Variants in CR1L observed in about 807,000 individuals in gnomAD.
The protein encoded by CR1L is complement component receptor 1-like protein.
CR1L carries 59 observed loss-of-function variants against 62.3 expected under a neutral mutation model. That is an observed-to-expected ratio of 0.95 (90% CI 0.77 to 1.18). CR1L has a LOEUF of 1.18. Among genes scored for constraint, CR1L ranks in the 50% most tolerant of loss-of-function variants. The probability of loss-of-function intolerance (pLI) is 0.00; values close to 1 mark genes in which losing one functional copy is unlikely to be tolerated. For synonymous variants in CR1L, 279 were observed against 248.7 expected, an observed-to-expected ratio of 1.12 and a Z score of -1.15; for missense variants, 700 against 702.8, an observed-to-expected ratio of 1.00 and a Z score of 0.04.
At chr1:207,683,742 T>C in intron 3 of CR1L, 130 bp from the exon 4 acceptor site, 1 of 795,834 alleles carries the variant, frequency 1.3e-6, no homozygotes, top group Non-Finnish European at 1.9e-6. Context: ...GGGAAGGTGA[T>C]AGACAATTCT....
intron 4 of CR1L, among the ~76,000 whole-genome samples, chr1:207,685,277 G>A (rs1051071293): frequency 7.2e-5 from 11 of 152,168 alleles, no homozygotes; most frequent in African/African-American, 1.2e-4. Context: ...TTTTGACTGC[G>A]TAGCATGGTG....
intron 11 of CR1L, among the ~76,000 whole-genome samples, chr1:207,721,071 A>G (rs11118475): frequency 0.49 from 74,788 of 152,046 alleles, 19,051 homozygotes; most frequent in East Asian, 0.87. Flanking sequence ...AGGGAAATGC[A>G]GAAACTATCT....
At chr1:207,691,295 A>G (rs954349158) in intron 4 of CR1L, among the ~76,000 whole-genome samples, 1 of 152,042 alleles carries the variant, frequency 6.6e-6, no homozygotes, top group African/African-American at 2.4e-5. Context: ...TTTGTACATT[A>G]ATATAGCTAT....
intron 1 of CR1L, among the ~76,000 whole-genome samples, chr1:207,668,062 C>G (rs749182047): frequency 6.6e-6 from 1 of 151,096 alleles, no homozygotes; most frequent in Non-Finnish European, 1.5e-5. Context: ...CTCTTATACA[C>G]TGTTAGGGAA....
chr1:207,714,264 G>C (rs2102481636), intron 10 of CR1L, among the ~76,000 whole-genome samples: 1 of 152,266 alleles, frequency 6.6e-6, no homozygotes, highest in Admixed American at 6.5e-5. Flanking sequence ...TGGTTGGTGA[G>C]TATGCAAAAA....
intron 4 of CR1L, among the ~76,000 whole-genome samples, chr1:207,686,602 T>A (rs1379657578): frequency 3.3e-5 from 5 of 152,258 alleles, no homozygotes; most frequent in African/African-American, 1.2e-4. Flanking sequence ...TTAATCATTT[T>A]TATATATAAC....
At chr1:207,712,936 C>G (rs770145843) in intron 10 of CR1L, among the ~76,000 whole-genome samples, 4 of 151,934 alleles carry the variant, frequency 2.6e-5, no homozygotes, top group Admixed American at 2.0e-4. Context: ...AATTAAGGAG[C>G]TGACCTAGTA....
At position 207,717,685 on chromosome 1, in the gene CR1L, G is replaced by A; in HGVS notation, c.1636G>A (p.Gly546Ser). ...SPAPRCELPVGAGSHDALIVG... is the reference protein window; with the variant it reads ...SPAPRCELPVSAGSHDALIVG... ...TGCCCCTCGCTGTGAACTTCCTGTT[G>A]GTGCTGGTCAGTATCCGCTTCCACA... The change falls in exon 11 of 12, where the codon GGT becomes AGT. Residue 546 changes from glycine (G) to serine (S), a missense_variant. Coordinates refer to ENST00000508064, the MANE Select transcript of CR1L (RefSeq NM_175710.2). 6.2e-7 allele frequency: 1 copy of A among 1,613,940 alleles called. No homozygotes were observed. The highest frequency in any genetic ancestry group is 8.5e-7 in the Non-Finnish European group (1 of 1,179,880).
chr1:207,652,124 G>C (rs11118253), intron 1 of CR1L, among the ~76,000 whole-genome samples: 59,509 of 152,036 alleles, frequency 0.39, 11,842 homozygotes, highest in African/African-American at 0.43. Context: ...AGAGAAGACA[G>C]CCTGAAGTGA....
rs185664073 is a variant in CR1L at position 207,656,219 on chromosome 1, C to T, written c.97+10889C>T. Among the ~76,000 whole-genome samples, 9 of 152,110 alleles carry T rather than the reference C, an allele frequency of 5.9e-5. No individual in the cohort carries two copies. In the East Asian group the frequency reaches 1.8e-3, roughly 30 times the overall value. ...CGCCACTGCACTCCAGCCTGGGCGA[C>T]AGAGCGAGATTCCGTCTCAAAATCA... On this transcript the variant is annotated intron_variant, in intron 1 of 11. Transcript: ENST00000508064.
chr1:207,703,231 A>G (rs1664219228), intron 9 of CR1L, among the ~76,000 whole-genome samples: 1 of 152,238 alleles, frequency 6.6e-6, no homozygotes. Flanking sequence ...CATCTATTGG[A>G]CCTTCATAGC....
intron 1 of CR1L, among the ~76,000 whole-genome samples, chr1:207,664,484 A>C (rs1263685169): frequency 1.3e-5 from 2 of 152,220 alleles, no homozygotes; most frequent in Admixed American, 6.5e-5. Context: ...GTAGGTTTTG[A>C]GGGGCAGGAA....
chr1:207,711,555 C>T (rs1346925337), intron 10 of CR1L: 1 of 152,518 alleles, frequency 6.6e-6, no homozygotes, highest in Admixed American at 6.5e-5. Context: ...GTTACCACCC[C>T]TTTCCAGGAA....
chr1:207,707,197 A>G (rs1571532300), intron 9 of CR1L, among the ~76,000 whole-genome samples: 1 of 152,238 alleles, frequency 6.6e-6, no homozygotes, highest in Non-Finnish European at 1.5e-5. Flanking sequence ...GGAGGGAAGG[A>G]AAAAGAATAG....
At chr1:207,678,417 T>G in intron 3 of CR1L, 120 bp downstream of exon 3, 2 of 813,502 alleles carry the variant, frequency 2.5e-6, no homozygotes, top group Non-Finnish European at 3.9e-6. Flanking sequence ...CTTTAAAGGC[T>G]TCAACACAGG....
chr1:207,666,971 C>T (rs1298748821), intron 1 of CR1L, among the ~76,000 whole-genome samples: 7 of 152,298 alleles, frequency 4.6e-5, no homozygotes, highest in African/African-American at 1.7e-4. Context: ...TTGACCATCT[C>T]CCATCCATTA....
intron 1 of CR1L, among the ~76,000 whole-genome samples, chr1:207,673,721 G>A (rs953853857): frequency 6.6e-6 from 1 of 152,138 alleles, no homozygotes; most frequent in Non-Finnish European, 1.5e-5. Flanking sequence ...CTATTCGGCA[G>A]GTAAAATTAC....
At chr1:207,696,890 G>T (rs538637955) in intron 5 of CR1L, among the ~76,000 whole-genome samples, 51 of 152,234 alleles carry the variant, frequency 3.4e-4, no homozygotes, top group Admixed American at 5.2e-4. Flanking sequence ...TTCGACAGTT[G>T]CCCACCTTCT....
At chr1:207,661,753 C>A (rs1362511217) in intron 1 of CR1L, among the ~76,000 whole-genome samples, 1 of 152,152 alleles carries the variant, frequency 6.6e-6, no homozygotes, top group African/African-American at 2.4e-5. Flanking sequence ...ATGGTCTTTA[C>A]AATTTGGCAT....
Sources: allele counts gnomAD v4.1 joint callset (sites outside exome capture counted in the v4.1 genomes callset), GRCh38; gene constraint gnomAD v4.1.1; transcripts MANE v1.5; gene names NCBI Gene and HGNC (gene_info 2026-07-23, HGNC 2026-07-21).